The following CCSER1 variants were observed in gnomAD, a reference collection of about 807,000 sequenced individuals.
CCSER1 encodes the protein serine-rich coiled-coil domain-containing protein 1.
A neutral mutation model predicts 82.0 loss-of-function variants in CCSER1; 41 were observed. That is an observed-to-expected ratio of 0.50 (90% CI 0.39 to 0.65). The LOEUF (loss-of-function observed/expected upper bound fraction) is 0.65, where lower values mean the gene tolerates loss of function less well. CCSER1 is among the 30% of genes least tolerant of loss of function. The pLI is 0.00. For missense variants in CCSER1, 1,119 were observed against 1,064.2 expected, an observed-to-expected ratio of 1.05 and a Z score of -0.72; for synonymous variants, 414 against 383.9, an observed-to-expected ratio of 1.08 and a Z score of -0.92.
chr4:90,162,747 CA>C (rs936582789), intron 1 of CCSER1, among the ~76,000 whole-genome samples: 2 of 151,594 alleles, frequency 1.3e-5, no homozygotes, highest in Non-Finnish European at 2.9e-5. Context: ...GACCTGTGAC[CA>C]AAAAAAATTC....
At chr4:91,272,610 C>T (rs982610293) in intron 10 of CCSER1, among the ~76,000 whole-genome samples, 3 of 152,076 alleles carry the variant, frequency 2.0e-5, no homozygotes, top group South Asian at 2.1e-4. Context: ...AATTAAGTCC[C>T]GGCTATTTAT....
chr4:90,168,349 G>A (rs910513315), intron 1 of CCSER1, among the ~76,000 whole-genome samples: 10 of 151,770 alleles, frequency 6.6e-5, no homozygotes, highest in Non-Finnish European at 1.2e-4. Context: ...AAATTTGTTT[G>A]AGTTCATTGT....
intron 10 of CCSER1, among the ~76,000 whole-genome samples, chr4:91,087,905 G>A (rs1046169601): frequency 1.3e-5 from 2 of 152,028 alleles, no homozygotes; most frequent in African/African-American, 4.8e-5. Flanking sequence ...AGAAACTTCA[G>A]GGAGGTATAA....
intron 9 of CCSER1, among the ~76,000 whole-genome samples, chr4:91,054,122 T>C (rs1743233980): frequency 6.6e-6 from 1 of 152,182 alleles, no homozygotes; most frequent in South Asian, 2.1e-4. Flanking sequence ...GCCCTCAGAC[T>C]TGTAGGATGA....
chr4:91,184,668 T>C (rs913189678), intron 10 of CCSER1, among the ~76,000 whole-genome samples: 2 of 152,222 alleles, frequency 1.3e-5, no homozygotes, highest in Non-Finnish European at 2.9e-5. Flanking sequence ...TTAACCATTT[T>C]AAAGGTATAG....
intron 10 of CCSER1, among the ~76,000 whole-genome samples, chr4:91,379,137 G>A (rs1257146473): frequency 1.3e-5 from 2 of 152,294 alleles, no homozygotes; most frequent in East Asian, 3.9e-4. Flanking sequence ...TTGATGTGCT[G>A]CTGGATTCAG....
intron 6 of CCSER1, among the ~76,000 whole-genome samples, chr4:90,714,848 A>G (rs896821766): frequency 6.6e-6 from 1 of 152,052 alleles, no homozygotes; most frequent in Admixed American, 6.6e-5. Context: ...TTAGGTATTT[A>G]TCTTCTCAAT....
At chr4:90,305,336 T>C (rs1233825214) in intron 1 of CCSER1, among the ~76,000 whole-genome samples, 1 of 152,222 alleles carries the variant, frequency 6.6e-6, no homozygotes, top group Non-Finnish European at 1.5e-5. Context: ...CATTCATGCA[T>C]TGAAGTCTGT....
chr4:90,517,462 G>T (rs1772443790), intron 5 of CCSER1, among the ~76,000 whole-genome samples: 1 of 151,994 alleles, frequency 6.6e-6, no homozygotes, highest in Non-Finnish European at 1.5e-5. Context: ...GATAGGTGTT[G>T]GTGCCACAAA....
chr4:90,252,701 G>A (rs896317054), intron 1 of CCSER1, among the ~76,000 whole-genome samples: 1 of 151,588 alleles, frequency 6.6e-6, no homozygotes, highest in Non-Finnish European at 1.5e-5. Context: ...CCCCTGTTGT[G>A]TTATCAAATA....
At chr4:90,497,761 G>T (rs1223760572) in intron 5 of CCSER1, among the ~76,000 whole-genome samples, 1 of 152,118 alleles carries the variant, frequency 6.6e-6, no homozygotes, top group African/African-American at 2.4e-5. Context: ...CTGGTCTTTG[G>T]AATAACTGTG....
At chr4:90,653,357 G>A (rs961292851) in intron 6 of CCSER1, among the ~76,000 whole-genome samples, 17 of 152,146 alleles carry the variant, frequency 1.1e-4, no homozygotes, top group African/African-American at 3.6e-4. Context: ...GAATAGAGGA[G>A]TAGAGGGAAA....
At chr4:91,330,320 G>T (rs1447336870) in intron 10 of CCSER1, among the ~76,000 whole-genome samples, 1 of 152,114 alleles carries the variant, frequency 6.6e-6, no homozygotes, top group Non-Finnish European at 1.5e-5. Flanking sequence ...AATATTGAAA[G>T]GAAAAAATTG....
intron 4 of CCSER1, among the ~76,000 whole-genome samples, chr4:90,411,713 A>G (rs2153554942): frequency 6.6e-6 from 1 of 152,356 alleles, no homozygotes; most frequent in African/African-American, 2.4e-5. Context: ...AACTGGCACA[A>G]GACAGGGATG....
At chr4:91,562,314 A>C (rs1003228229) in intron 10 of CCSER1, among the ~76,000 whole-genome samples, 8 of 151,494 alleles carry the variant, frequency 5.3e-5, no homozygotes, top group Admixed American at 1.3e-4. Flanking sequence ...ACCCTTAAAA[A>C]TTCTTAAAGC....
chr4:90,493,885 A>G (rs1474622037), intron 5 of CCSER1, among the ~76,000 whole-genome samples: 2 of 152,240 alleles, frequency 1.3e-5, no homozygotes, highest in Non-Finnish European at 2.9e-5. Context: ...CGCTAACATC[A>G]TAATGACAGG....
chr4:90,308,832 A>C lies in CCSER1; in HGVS notation c.548A>C (p.Lys183Thr). Reference sequence around the variant, plus strand: ...CAGTCAACAAGGAAGCTACTCCCTAAATCTTTTTCATCTCACTATAAATTT... The same window carrying C: ...CAGTCAACAAGGAAGCTACTCCCTACATCTTTTTCATCTCACTATAAATTT... ...VKQSTRKLLPKSFSSHYKFSK... is the reference protein window; with the variant it reads ...VKQSTRKLLPTSFSSHYKFSK... The change falls in exon 2 of 11, where the codon AAA (lysine) becomes ACA (threonine). Residue 183 changes from lysine to threonine, a missense_variant. Physicochemically the swap from Lys to Thr is moderately conservative, Grantham distance 78. Coordinates refer to ENST00000509176, the MANE Select transcript of CCSER1 (RefSeq NM_001145065.2). 6.2e-7 allele frequency: 1 copy of C among 1,613,756 alleles called. No individual in the cohort carries two copies.
chr4:91,290,096 T>C (rs1743630456), intron 10 of CCSER1, among the ~76,000 whole-genome samples: 1 of 151,874 alleles, frequency 6.6e-6, no homozygotes, highest in East Asian at 1.9e-4. Context: ...ACTAACAAGC[T>C]AGCTACAAAA....
intron 10 of CCSER1, among the ~76,000 whole-genome samples, chr4:91,297,035 T>C (rs1046695646): frequency 2.0e-5 from 3 of 151,744 alleles, no homozygotes. Context: ...GTGGTTGCTA[T>C]AGAGATGAGT....
Sources: allele counts gnomAD v4.1 joint callset (sites outside exome capture counted in the v4.1 genomes callset), GRCh38; gene constraint gnomAD v4.1.1; transcripts MANE v1.5; gene names NCBI Gene and HGNC (gene_info 2026-07-23, HGNC 2026-07-21).